The following KIAA0825 variants were observed in gnomAD, a reference collection of about 807,000 sequenced individuals.
KIAA0825 encodes the protein KIAA0825, also known as uncharacterized protein KIAA0825.
A neutral mutation model predicts 147.6 loss-of-function variants in KIAA0825; 119 were observed. The observed-to-expected ratio is 0.81, with a 90% CI of 0.69 to 0.94. The LOEUF (loss-of-function observed/expected upper bound fraction) is 0.94, where lower values mean the gene tolerates loss of function less well. Among genes scored for constraint, KIAA0825 ranks in the 40% least tolerant of loss-of-function variants. The pLI is 0.00. For synonymous variants in KIAA0825, 470 were observed against 518.1 expected (o/e 0.91, Z 1.26); for missense variants, 1,381 against 1,472.7 (o/e 0.94, Z 1.02).
chr5:94,384,276 G>T, intron 20 of KIAA0825, 92 bp downstream of exon 20: 1 of 841,682 alleles, frequency 1.2e-6, no homozygotes, highest in Non-Finnish European at 1.9e-6. Flanking sequence ...CCAAAAGTAT[G>T]CTAGTAAAAT....
chr5:94,330,727 C>G (rs60335734), intron 20 of KIAA0825, among the ~76,000 whole-genome samples: 20,989 of 151,772 alleles, frequency 0.14, 1,632 homozygotes, highest in African/African-American at 0.2. Context: ...AGAGAAAAAT[C>G]AATGAAATCA....
chr5:94,407,584 C>T (rs915049565), intron 15 of KIAA0825, among the ~76,000 whole-genome samples: 3 of 152,002 alleles, frequency 2.0e-5, no homozygotes, highest in Non-Finnish European at 2.9e-5. Flanking sequence ...TGAAAGAAAC[C>T]GGACACAAAA....
intron 14 of KIAA0825, among the ~76,000 whole-genome samples, chr5:94,431,628 C>G (rs1056101103): frequency 3.9e-5 from 6 of 152,044 alleles, no homozygotes; most frequent in African/African-American, 1.5e-4. Flanking sequence ...TAACAGATGC[C>G]AGGTAAACAG....
intron 13 of KIAA0825, among the ~76,000 whole-genome samples, chr5:94,443,457 G>T (rs1378823254): frequency 6.6e-6 from 1 of 151,556 alleles, no homozygotes; most frequent in Non-Finnish European, 1.5e-5. Flanking sequence ...AAATCCTATA[G>T]AACTCATAAA....
chr5:94,579,459 G>A (rs1781679813), intron 2 of KIAA0825, among the ~76,000 whole-genome samples: 1 of 152,176 alleles, frequency 6.6e-6, no homozygotes, highest in South Asian at 2.1e-4. Flanking sequence ...CCATTAGAAA[G>A]CCATTTATAG....
At chr5:94,176,078 C>A (rs917691425) in intron 20 of KIAA0825, among the ~76,000 whole-genome samples, 8 of 152,082 alleles carry the variant, frequency 5.3e-5, no homozygotes, top group Non-Finnish European at 8.8e-5. Flanking sequence ...GAAATTTGAT[C>A]CCCAATGTGG....
intron 14 of KIAA0825, among the ~76,000 whole-genome samples, chr5:94,418,519 A>T (rs1753771349): frequency 7.2e-6 from 1 of 138,790 alleles, no homozygotes; most frequent in Non-Finnish European, 1.5e-5. Context: ...TGAAGCCGAC[A>T]CTATCATCTG....
rs1768820604 is a variant in KIAA0825 at position 94,524,216 on chromosome 5, T to C, written c.132-118A>G. ...ACCTGGCTTTGTACAATTTACAAAT[T>C]CATTCATATGATATGAAAATAATAA... is the stretch of plus-strand genomic sequence containing the variant. On this transcript the variant is annotated intron_variant, in intron 3 of 20. Transcript: ENST00000682413. The C allele has an allele frequency of 1.6e-5, 8 of 499,682 alleles. No individual in the cohort carries two copies. The East Asian group carries it at 2.3e-4, about 14-fold the overall frequency. The allele number at this position is 499,682 out of a possible 1,614,324, so 31.0% of individuals were successfully genotyped here. A position where few individuals can be genotyped will look rare whatever the true frequency, so the allele number is the denominator to read the frequency against.
chr5:94,399,206 T>A (rs895498763), intron 16 of KIAA0825, among the ~76,000 whole-genome samples: 2 of 152,184 alleles, frequency 1.3e-5, no homozygotes, highest in African/African-American at 4.8e-5. Flanking sequence ...CAAATCTTCC[T>A]TAGTGTTCTT....
At chr5:94,497,840 C>T (rs753616022) in intron 5 of KIAA0825, among the ~76,000 whole-genome samples, 1 of 152,150 alleles carries the variant, frequency 6.6e-6, no homozygotes, top group Admixed American at 6.5e-5. Context: ...TAGCTTATTC[C>T]GGGTGATGCT....
At chr5:94,517,699 AT>A (rs1003863597) in intron 5 of KIAA0825, among the ~76,000 whole-genome samples, 17 of 150,762 alleles carry the variant, frequency 1.1e-4, no homozygotes, top group African/African-American at 3.2e-4. Context: ...AATTAAATTT[AT>A]TTTAAATTAT....
At chr5:94,505,298 T>C (rs1349322835) in intron 5 of KIAA0825, among the ~76,000 whole-genome samples, 1 of 151,306 alleles carries the variant, frequency 6.6e-6, no homozygotes, top group East Asian at 2.0e-4. Flanking sequence ...AAGGCAGAGG[T>C]TGCAGTGAGC....
chr5:94,500,398 C>T (rs1764924196), intron 5 of KIAA0825, among the ~76,000 whole-genome samples: 1 of 152,082 alleles, frequency 6.6e-6, no homozygotes, highest in Non-Finnish European at 1.5e-5. Flanking sequence ...AGGAGATAGA[C>T]TTGGAAATAT....
At position 94,289,030 on chromosome 5, in the gene KIAA0825, C is replaced by T. The variant is rs545148811; in HGVS notation, c.3710+95338G>A. On this transcript the variant is annotated intron_variant, in intron 20 of 20. Transcript: ENST00000682413. ...GATACTAGGAAACTTCTGTTGTTGC[C>T]GATGGAATTTAAGGCCCAAGTACTT... Among the ~76,000 whole-genome samples, 23 of 152,140 alleles carry T rather than the reference C, an allele frequency of 1.5e-4. No homozygotes were observed. In the South Asian group the frequency reaches 3.3e-3, roughly 22 times the overall value.
chr5:94,571,771 C>G (rs1780007315), intron 2 of KIAA0825, among the ~76,000 whole-genome samples: 1 of 152,084 alleles, frequency 6.6e-6, no homozygotes, highest in Non-Finnish European at 1.5e-5. Context: ...TTATTTCCAG[C>G]AAATCAAGGA....
chr5:94,588,311 T>G (rs1376803519), intron 1 of KIAA0825, among the ~76,000 whole-genome samples: 2 of 151,920 alleles, frequency 1.3e-5, no homozygotes. Context: ...AGGGCTAATA[T>G]CCAGAATCTA....
At chr5:94,551,215 G>A (rs946542084) in intron 2 of KIAA0825, among the ~76,000 whole-genome samples, 2 of 151,728 alleles carry the variant, frequency 1.3e-5, no homozygotes, top group Non-Finnish European at 2.9e-5. Context: ...AGGGTTTATG[G>A]GACACAATTA....
chr5:94,439,550 T>C (rs945373730), intron 14 of KIAA0825, among the ~76,000 whole-genome samples: 2 of 141,890 alleles, frequency 1.4e-5, no homozygotes, highest in African/African-American at 5.0e-5. Flanking sequence ...TGTTTGTAAG[T>C]TGCACAAGCA....
chr5:94,367,289 G>A (rs1746002015), intron 20 of KIAA0825, among the ~76,000 whole-genome samples: 1 of 152,154 alleles, frequency 6.6e-6, no homozygotes, highest in Admixed American at 6.5e-5. Context: ...CCGAGGTGAG[G>A]AGTTTGAGGC....
Sources: allele counts gnomAD v4.1 joint callset (sites outside exome capture counted in the v4.1 genomes callset), GRCh38; gene constraint gnomAD v4.1.1; transcripts MANE v1.5; gene names NCBI Gene and HGNC (gene_info 2026-07-23, HGNC 2026-07-21).